The following ADAMTSL2 variants were observed in gnomAD, a reference collection of about 807,000 sequenced individuals.
The protein encoded by ADAMTSL2 is ADAMTS-like protein 2.
A neutral mutation model predicts 117.0 loss-of-function variants in ADAMTSL2; 55 were observed. The observed-to-expected ratio is 0.47, with a 90% CI of 0.38 to 0.59. ADAMTSL2 has a LOEUF of 0.59. ADAMTSL2 is among the 20% of genes least tolerant of loss of function. The pLI is 0.00. For synonymous variants in ADAMTSL2, 572 were observed against 566.4 expected, an observed-to-expected ratio of 1.01 and a Z score of -0.14; for missense variants, 1,182 against 1,354.5, an observed-to-expected ratio of 0.87 and a Z score of 2.00.
At chr9:133,560,624 G>T (rs1457479898) in intron 11 of ADAMTSL2, among the ~76,000 whole-genome samples, 12 of 152,362 alleles carry the variant, frequency 7.9e-5, no homozygotes, top group African/African-American at 2.9e-4. Context: ...GCAGGTCCGT[G>T]CAGCCATGGC....
chr9:133,565,673 C>T (rs979197926), intron 12 of ADAMTSL2, among the ~76,000 whole-genome samples: 1 of 152,256 alleles, frequency 6.6e-6, no homozygotes, highest in Non-Finnish European at 1.5e-5. Flanking sequence ...CCATCCAGCG[C>T]TGGGGCTTGG....
Position 133,547,128 on chromosome 9 carries a change from A to G in ADAMTSL2, c.854A>G (p.Lys285Arg), listed in dbSNP as rs1260603681. 1 of 1,613,856 alleles carries G rather than the reference A, an allele frequency of 6.2e-7. No individual in the cohort carries two copies. Among genetic ancestry groups the G allele is most frequent in the East Asian group, 2.2e-5 (1 of 44,874 alleles). Residue 285 changes from lysine to arginine, a missense_variant, in exon 9 of 19, where the codon AAG becomes AGG. This residue lies in a region of ADAMTSL2 where 372 missense variants were observed against 463.4 expected (regional missense o/e 0.80). Transcript: ENST00000651351. Reference sequence around the variant, plus strand: ...TTCAACATCGCAGGCACGGTGGTCAAGTACAGGCGGCCCATGGATGTCTAT... The same window carrying G: ...TTCAACATCGCAGGCACGGTGGTCAGGTACAGGCGGCCCATGGATGTCTAT... ...KNFNIAGTVV[K>R]YRRPMDVYET...
chr9:133,547,159 C>A lies in ADAMTSL2; in HGVS notation c.885C>A (p.Thr295=), dbSNP rs772868128. Residue 295 remains threonine (T), a synonymous_variant, in exon 9 of 19, where the codon ACC becomes ACA. Coordinates refer to ENST00000651351, the MANE Select transcript of ADAMTSL2 (RefSeq NM_014694.4). ...KYRRPMDVYE[T]GIEYIVAQGP... is the part of the protein sequence containing the mutation. ...GGCGGCCCATGGATGTCTATGAGAC[C>A]GGAATCGAGTACATCGTGGCACAGG... 1 of 1,614,144 alleles carries A rather than the reference C, an allele frequency of 6.2e-7. No homozygotes were observed. Among genetic ancestry groups the A allele is most frequent in the African/African-American group, 1.3e-5 (1 of 75,050 alleles).
At chr9:133,565,999 A>T (rs1830964441) in intron 12 of ADAMTSL2, among the ~76,000 whole-genome samples, 1 of 152,214 alleles carries the variant, frequency 6.6e-6, no homozygotes, top group Non-Finnish European at 1.5e-5. Flanking sequence ...GTACCAGGCA[A>T]GGGTGCAGGG....
chr9:133,572,783 C>T (rs1831140103), intron 17 of ADAMTSL2, among the ~76,000 whole-genome samples: 2 of 152,138 alleles, frequency 1.3e-5, no homozygotes, highest in Non-Finnish European at 2.9e-5. Context: ...CTGGTGGCTG[C>T]CCCCCGATGC....
rs1427749928 is a variant in ADAMTSL2, at chr9:133,562,505, G to A, written c.1747+1210G>A. On this transcript the variant is annotated intron_variant, in intron 12 of 18. Coordinates refer to ENST00000651351, the MANE Select transcript of ADAMTSL2 (RefSeq NM_014694.4). ...CACCCGGCTCGGCCAGGCTCGCACCGCCGTGGGCGGCGTGGCGGGCACCCG... is the reference window on the plus strand; with the variant it reads ...CACCCGGCTCGGCCAGGCTCGCACCACCGTGGGCGGCGTGGCGGGCACCCG... 9.3e-4 allele frequency among the ~76,000 whole-genome samples: 129 copies of A among 138,856 alleles called. 1 individual carries two copies. Among genetic ancestry groups the A allele is most frequent in the Admixed American group, 2.6e-3 (37 of 14,198 alleles). The allele number at this position is 138,856 out of a possible 152,430, so 91.1% of individuals were successfully genotyped here. A position where few individuals can be genotyped will look rare whatever the true frequency, so the allele number is the denominator to read the frequency against.
intron 12 of ADAMTSL2, among the ~76,000 whole-genome samples, chr9:133,565,236 G>A (rs1441203772): frequency 4.6e-5 from 7 of 152,262 alleles, no homozygotes; most frequent in African/African-American, 9.6e-5. Context: ...CAGAAAAAAC[G>A]TCCTGGCATT....
rs1179826431 is a variant in ADAMTSL2, at chr9:133,568,266, G to A, written c.1875-7G>A. 8 of 1,558,986 alleles carry A rather than the reference G, an allele frequency of 5.1e-6. No individual in the cohort carries two copies. Among genetic ancestry groups the A allele is most frequent in the Admixed American group, 1.9e-5 (1 of 52,642 alleles). On this transcript the variant is annotated splice_polypyrimidine_tract_variant and splice_region_variant and intron_variant, in intron 13 of 18. Coordinates refer to ENST00000651351, the MANE Select transcript of ADAMTSL2 (RefSeq NM_014694.4). ...GGATCATTGAAGGCCATCCGCTCCC[G>A]GGGCAGGTGGGAGACGAGCAGCTGG...
chr9:133,548,624 C>G (rs1468541809), intron 9 of ADAMTSL2, among the ~76,000 whole-genome samples: 3 of 152,004 alleles, frequency 2.0e-5, no homozygotes, highest in Non-Finnish European at 4.4e-5. Flanking sequence ...CGGGCTTCGG[C>G]CAGCCCCCTG....
chr9:133,548,992 C>CTT (rs1180540013), intron 9 of ADAMTSL2, among the ~76,000 whole-genome samples: 10 of 30,980 alleles, frequency 3.2e-4, no homozygotes, highest in East Asian at 6.7e-4. Flanking sequence ...CAGTTTCCTT[C>CTT]TTTTTTTTTT....
Position 133,534,802 on chromosome 9 carries a change from C to A in ADAMTSL2, c.-266C>A. 1 of 1,485,306 alleles carries A rather than the reference C, an allele frequency of 6.7e-7. No individual in the cohort carries two copies. Among genetic ancestry groups the A allele is most frequent in the South Asian group, 1.3e-5 (1 of 77,314 alleles). The allele number at this position is 1,485,306 out of a possible 1,614,324, so 92.0% of individuals were successfully genotyped here. On this transcript the variant is annotated 5_prime_UTR_variant, in exon 1 of 19. Coordinates refer to ENST00000651351, the MANE Select transcript of ADAMTSL2 (RefSeq NM_014694.4). ...GAGGAGGGGAAGGGGAGAGGGAGGC[C>A]GGGCCGCAGCCTCTGCACTCACGCC...
chr9:133,536,688 G>A lies in ADAMTSL2; in HGVS notation c.-25G>A, dbSNP rs759293340. ...GGAAGAGGATCGGAGCTGGCCTGGTGGTGACAGTGGCCTTGCTTCCTAGGA... is the reference window on the plus strand; with the variant it reads ...GGAAGAGGATCGGAGCTGGCCTGGTAGTGACAGTGGCCTTGCTTCCTAGGA... On this transcript the variant is annotated 5_prime_UTR_variant, in exon 2 of 19. Transcript: ENST00000651351. 2 of 1,614,212 alleles carry A rather than the reference G, an allele frequency of 1.2e-6. No homozygotes were observed. Among genetic ancestry groups the A allele is most frequent in the Non-Finnish European group, 1.7e-6 (2 of 1,180,042 alleles).
In ADAMTSL2 at chr9:133,558,897, A is replaced by G. The variant is rs983478777; in HGVS notation, c.1650-2301A>G. Among the ~76,000 whole-genome samples the G allele has an allele frequency of 2.0e-5, 3 of 152,216 alleles. No homozygotes were observed. The highest frequency in any genetic ancestry group is 2.9e-5 in the Non-Finnish European group (2 of 68,034). ...GTTATGTTCAAGAGTTGCATCTGCT[A>G]TGCCCCACACGTGCTGCTGCGAAGA... On this transcript the variant is annotated intron_variant, in intron 11 of 18. Coordinates refer to ENST00000651351, the MANE Select transcript of ADAMTSL2 (RefSeq NM_014694.4). This position sits in a 1 kb window ranked among gnomAD's most constrained non-coding sequence, Gnocchi z 4.3.
Position 133,575,104 on chromosome 9 carries a change from T to C in ADAMTSL2, c.*240T>C. ...GAGCCACCCCTGCCGTGGGAACCTG[T>C]CCGTGTTCCTGCGTGGATCCTGTGT... On this transcript the variant is annotated 3_prime_UTR_variant, in exon 19 of 19. Coordinates refer to ENST00000651351, the MANE Select transcript of ADAMTSL2 (RefSeq NM_014694.4). The C allele has an allele frequency of 5.4e-6, 3 of 559,630 alleles. No individual in the cohort carries two copies. The highest frequency in any genetic ancestry group is 2.0e-5 in the South Asian group (1 of 49,590). The allele number at this position is 559,630 out of a possible 1,614,324, so 34.7% of individuals were successfully genotyped here.
At chr9:133,550,516 C>T (rs984114102) in intron 9 of ADAMTSL2, among the ~76,000 whole-genome samples, 5 of 152,090 alleles carry the variant, frequency 3.3e-5, no homozygotes, top group Admixed American at 2.0e-4. Flanking sequence ...AGCCTTTGGG[C>T]GTTGGGGCTG....
At chr9:133,534,551 TG>T, upstream of ADAMTSL2, 1 of 901,760 alleles carries the variant, frequency 1.1e-6, no homozygotes, top group Non-Finnish European at 1.5e-6. Flanking sequence ...AACAGGCAGC[TG>T]GGCCGGCCTG....
At chr9:133,547,251 TG>T (rs1393530591) in intron 9 of ADAMTSL2, 38 bp downstream of exon 9, 3 of 1,592,026 alleles carry the variant, frequency 1.9e-6, no homozygotes, top group Non-Finnish European at 2.6e-6. Context: ...CCAGGGGCCC[TG>T]GGCACTGTTT....
chr9:133,562,817 G>A lies in ADAMTSL2; in HGVS notation c.1747+1522G>A, dbSNP rs1487431933. On this transcript the variant is annotated intron_variant, in intron 12 of 18. Coordinates refer to ENST00000651351, the MANE Select transcript of ADAMTSL2 (RefSeq NM_014694.4). ...GCACCGGCTTGGCCAGGCTCGCACCGCTGTGGGCGGCGTGGTGGGCACCCG... is the reference window on the plus strand; with the variant it reads ...GCACCGGCTTGGCCAGGCTCGCACCACTGTGGGCGGCGTGGTGGGCACCCG... Among the ~76,000 whole-genome samples, 30 of 113,984 alleles carry A rather than the reference G, an allele frequency of 2.6e-4. 2 individuals carry two copies. In the South Asian group the frequency reaches 8.0e-3, roughly 30 times the overall value. 74.8% of individuals were successfully genotyped at this position (113,984 alleles called of 152,430 possible). A position where few individuals can be genotyped will look rare whatever the true frequency, so the allele number is the denominator to read the frequency against.
intron 17 of ADAMTSL2, among the ~76,000 whole-genome samples, chr9:133,572,495 C>A (rs1416649087): frequency 2.0e-5 from 3 of 152,236 alleles, no homozygotes; most frequent in Non-Finnish European, 2.9e-5. Context: ...GGTTCCAGGG[C>A]CCCAGGGAGC....
Sources: allele counts gnomAD v4.1 joint callset (sites outside exome capture counted in the v4.1 genomes callset), GRCh38; gene constraint gnomAD v4.1.1; regional missense constraint gnomAD v4.1.1; non-coding constraint Gnocchi (gnomAD v3.1); transcripts MANE v1.5; gene names NCBI Gene and HGNC (gene_info 2026-07-23, HGNC 2026-07-21).